The following CTNNBL1 variants were observed in gnomAD, a reference collection of about 807,000 sequenced individuals.
CTNNBL1 encodes beta-catenin-like protein 1.
Under a neutral mutation model 72.7 loss-of-function variants are expected in CTNNBL1, and 31 were observed. The observed-to-expected ratio is 0.43, with a 90% CI of 0.32 to 0.58. The LOEUF (loss-of-function observed/expected upper bound fraction) is 0.58. Among genes scored for constraint, CTNNBL1 ranks in the 20% least tolerant of loss-of-function variants. The probability of loss-of-function intolerance (pLI) is 0.08; values close to 1 mark genes in which losing one functional copy is unlikely to be tolerated. For synonymous variants in CTNNBL1, 240 were observed against 267.3 expected (o/e 0.90, Z 1.00); for missense variants, 534 against 725.1 (o/e 0.74, Z 3.03).
At chr20:37,836,796 T>C (rs183992979) in intron 11 of CTNNBL1, among the ~76,000 whole-genome samples, 1 of 152,356 alleles carries the variant, frequency 6.6e-6, no homozygotes, top group East Asian at 1.9e-4. Flanking sequence ...CAATTAGCTC[T>C]GTGGACAAGT....
chr20:37,837,949 G>A (rs2072269490), intron 11 of CTNNBL1, among the ~76,000 whole-genome samples: 1 of 152,128 alleles, frequency 6.6e-6, no homozygotes, highest in South Asian at 2.1e-4. Flanking sequence ...ATTTTGGAAG[G>A]TAACACATGA....
intron 13 of CTNNBL1, among the ~76,000 whole-genome samples, chr20:37,845,092 TTTTTAGTAAGCC>T (rs1389352879): frequency 5.9e-5 from 9 of 152,200 alleles, no homozygotes; most frequent in Non-Finnish European, 1.0e-4. Context: ...CTTGTGTAAT[TTTTTAGTAAGCC>T]TTTTAGTAAG....
chr20:37,828,189 C>G (rs988074358), intron 11 of CTNNBL1, among the ~76,000 whole-genome samples: 2 of 152,152 alleles, frequency 1.3e-5, no homozygotes, highest in African/African-American at 4.8e-5. Context: ...ACGACTGAGA[C>G]GCGGGCCTGG....
chr20:37,846,687 A>C (rs1262479546), intron 13 of CTNNBL1, among the ~76,000 whole-genome samples: 1 of 152,004 alleles, frequency 6.6e-6, no homozygotes, highest in Non-Finnish European at 1.5e-5. Flanking sequence ...AAGGTTTTGC[A>C]TGACTTGACT....
intron 11 of CTNNBL1, among the ~76,000 whole-genome samples, chr20:37,820,128 C>T (rs1438525450): frequency 3.9e-5 from 6 of 152,008 alleles, no homozygotes; most frequent in South Asian, 2.1e-4. Context: ...TCACCCGTCT[C>T]GGCCTCCCAA....
chr20:37,842,565 G>C (rs1242872550), intron 13 of CTNNBL1, 146 bp downstream of exon 13: 1 of 660,994 alleles, frequency 1.5e-6, no homozygotes, highest in Non-Finnish European at 2.8e-6. Flanking sequence ...GGTCTGCCAA[G>C]TGGTTACGAC....
In CTNNBL1 at chr20:37,785,772, G is replaced by A. The variant is rs376843139; in HGVS notation, c.1031+6437G>A. Among the ~76,000 whole-genome samples the A allele has an allele frequency of 5.3e-5, 8 of 152,264 alleles. No homozygotes were observed. In the East Asian group the frequency reaches 1.5e-3, roughly 29 times the overall value. ...TACTTAGTTCATTTGTTGAGGTCAT[G>A]TTTTCTTGGACGGTCTTGATGCTTA... On this transcript the variant is annotated intron_variant, in intron 10 of 15. Transcript: ENST00000361383.
intron 1 of CTNNBL1, among the ~76,000 whole-genome samples, chr20:37,715,537 T>C (rs1256868657): frequency 7.9e-5 from 12 of 152,210 alleles, no homozygotes; most frequent in Non-Finnish European, 1.8e-4. Flanking sequence ...TAAGAAGTTA[T>C]TTGTGAGATT....
intron 7 of CTNNBL1, among the ~76,000 whole-genome samples, chr20:37,771,581 T>TA (rs1287348188): frequency 6.9e-6 from 1 of 145,540 alleles, no homozygotes; most frequent in Admixed American, 6.9e-5. Context: ...TTTTTTTTTT[T>TA]AAACCTATCT....
intron 13 of CTNNBL1, among the ~76,000 whole-genome samples, chr20:37,853,201 T>C (rs1470048021): frequency 6.6e-6 from 1 of 152,204 alleles, no homozygotes; most frequent in African/African-American, 2.4e-5. Context: ...CTCTGTTCTT[T>C]GTCTAGCCAT....
At chr20:37,809,612 ATTTG>A (rs1401620915) in intron 11 of CTNNBL1, among the ~76,000 whole-genome samples, 1 of 152,160 alleles carries the variant, frequency 6.6e-6, no homozygotes, top group Non-Finnish European at 1.5e-5. Context: ...TGCCATTGTT[ATTTG>A]TTGTCCTGGG....
chr20:37,759,562 C>G (rs2073396075), intron 5 of CTNNBL1, among the ~76,000 whole-genome samples: 1 of 152,158 alleles, frequency 6.6e-6, no homozygotes, highest in African/African-American at 2.4e-5. Flanking sequence ...ACAGTTCACC[C>G]TCAGTCTGGG....
At chr20:37,806,040 A>G (rs550718041) in intron 11 of CTNNBL1, among the ~76,000 whole-genome samples, 6 of 152,380 alleles carry the variant, frequency 3.9e-5, no homozygotes, top group Non-Finnish European at 8.8e-5. Context: ...TCAGTCAGTC[A>G]TACACCTAGA....
intron 7 of CTNNBL1, among the ~76,000 whole-genome samples, chr20:37,771,958 A>G (rs1388250374): frequency 1.3e-5 from 2 of 151,864 alleles, no homozygotes; most frequent in Non-Finnish European, 2.9e-5. Flanking sequence ...ACTTTCTTTT[A>G]TAAAAAATCA....
At chr20:37,719,221 C>A (rs914888197) in intron 1 of CTNNBL1, among the ~76,000 whole-genome samples, 12 of 152,102 alleles carry the variant, frequency 7.9e-5, no homozygotes, top group Admixed American at 5.9e-4. Context: ...ATGAATTCTG[C>A]TTGGCTGCAG....
chr20:37,857,810 T>C (rs1262680905), intron 13 of CTNNBL1, among the ~76,000 whole-genome samples: 2 of 151,440 alleles, frequency 1.3e-5, no homozygotes, highest in African/African-American at 4.8e-5. Flanking sequence ...GAAGCATGTA[T>C]TGAGCACGTG....
Position 37,802,898 on chromosome 20 carries a change from A to G in CTNNBL1, c.1063A>G (p.Lys355Glu). 7 of 1,613,572 alleles carry G rather than the reference A, an allele frequency of 4.3e-6. No homozygotes were observed. Among genetic ancestry groups the G allele is most frequent in the African/African-American group, 1.3e-5 (1 of 75,018 alleles). Residue 355 changes from lysine to glutamate, a missense_variant, in exon 11 of 16, where the codon AAA (lysine) becomes GAA (glutamate). Transcript: ENST00000361383. ...EKKISRSSAL[K>E]VLDHAMIGPE... ...GAAGATCTCCCGGAGCAGTGCCCTGAAAGTGCTGGACCATGCCATGATTGG... is the reference window on the plus strand; with the variant it reads ...GAAGATCTCCCGGAGCAGTGCCCTGGAAGTGCTGGACCATGCCATGATTGG...
chr20:37,793,357 TTTA>T (rs1294250543), intron 10 of CTNNBL1, among the ~76,000 whole-genome samples: 1 of 152,354 alleles, frequency 6.6e-6, no homozygotes, highest in East Asian at 1.9e-4. Flanking sequence ...AATCGACCCT[TTTA>T]TTATTATGAA....
intron 15 of CTNNBL1, among the ~76,000 whole-genome samples, chr20:37,863,660 TG>T (rs907324045): frequency 6.6e-6 from 1 of 152,012 alleles, no homozygotes; most frequent in Non-Finnish European, 1.5e-5. Flanking sequence ...GGGGTGTGGC[TG>T]GGCAGGGCTC....
Sources: gnomAD v4.1 joint callset for allele counts (sites outside exome capture counted in the v4.1 genomes callset) on GRCh38, gnomAD v4.1.1 for gene constraint, MANE v1.5 for transcripts, NCBI Gene and HGNC (gene_info 2026-07-23, HGNC 2026-07-21) for gene names.